The following PCDHGC3 variants were observed in gnomAD, a reference collection of about 807,000 sequenced individuals.
The protein encoded by PCDHGC3 is protocadherin gamma subfamily C, 3, also known as protocadherin gamma-C3.
A neutral mutation model predicts 59.2 loss-of-function variants in PCDHGC3; 26 were observed. The observed-to-expected ratio is 0.44, with a 90% CI of 0.32 to 0.61. The LOEUF (loss-of-function observed/expected upper bound fraction) is 0.61. Ranked by LOEUF, PCDHGC3 falls within the 20% of genes least tolerant of loss-of-function variation. The pLI, the probability that PCDHGC3 is intolerant of heterozygous loss-of-function variation, is 0.05. For missense variants in PCDHGC3, 1,080 were observed against 1,221.8 expected (o/e 0.88, Z 1.73); for synonymous variants, 487 against 519.7 (o/e 0.94, Z 0.86).
chr5:141,484,552 G>T (rs2099597743), intron 1 of PCDHGC3, among the ~76,000 whole-genome samples: 1 of 152,138 alleles, frequency 6.6e-6, no homozygotes, highest in African/African-American at 2.4e-5. Context: ...CTAATTAGCA[G>T]TTGCTCCAAT....
chr5:141,489,229 G>A lies in PCDHGC3; in HGVS notation c.2431-5578G>A, dbSNP rs1188849525. 5.9e-6 allele frequency: 9 copies of A among 1,522,134 alleles called. No homozygotes were observed. In the Admixed American group the frequency reaches 6.4e-5, roughly 11 times the overall value. 94.3% of individuals were successfully genotyped at this position (1,522,134 alleles called of 1,614,324 possible). On this transcript the variant is annotated intron_variant, in intron 1 of 3. Transcript: ENST00000308177. The surrounding 1 kb of genome is among the most constrained non-coding windows in gnomAD (Gnocchi z 4.5). The stretch of plus-strand genomic sequence containing the variant: ...AGCACAGACTTACTCTCCACAAAGG[G>A]ACTTCTGGGTCATGGGGCCCAAGAC...
In PCDHGC3 at chr5:141,486,959, G is replaced by A. The variant is rs1161675143; in HGVS notation, c.2431-7848G>A. The A allele has an allele frequency of 1.9e-6, 3 of 1,614,098 alleles. No individual in the cohort carries two copies. In the African/African-American group the frequency reaches 4.0e-5, roughly 22 times the overall value. On this transcript the variant is annotated intron_variant, in intron 1 of 3. Transcript: ENST00000308177. The surrounding 1 kb of genome is among the most constrained non-coding windows in gnomAD (Gnocchi z 5.0). ...CCACCTAATCACAAAGGTGACTGCTGTGGACTTGGATTCAGGTTACAATGC... is the reference window on the plus strand; with the variant it reads ...CCACCTAATCACAAAGGTGACTGCTATGGACTTGGATTCAGGTTACAATGC...
At chr5:141,501,837 G>C (rs2099811299) in intron 2 of PCDHGC3, among the ~76,000 whole-genome samples, 1 of 152,018 alleles carries the variant, frequency 6.6e-6, no homozygotes, top group Admixed American at 6.5e-5. Flanking sequence ...CCACCTGTTT[G>C]GCCCTCAACC....
intron 3 of PCDHGC3, among the ~76,000 whole-genome samples, chr5:141,506,682 C>A (rs1333272766): frequency 6.6e-6 from 1 of 152,192 alleles, no homozygotes; most frequent in East Asian, 1.9e-4. Context: ...ATATTATTAT[C>A]TTTGCTGACC....
intron 1 of PCDHGC3, among the ~76,000 whole-genome samples, chr5:141,488,613 A>C (rs1214413025): frequency 1.3e-5 from 2 of 152,158 alleles, no homozygotes; most frequent in Non-Finnish European, 2.9e-5. Flanking sequence ...GTTCTTACTA[A>C]TCTTTTCTCT....
rs2099883775 is a variant in PCDHGC3 at position 141,511,415 on chromosome 5, A to G, written c.*242A>G. On this transcript the variant is annotated 3_prime_UTR_variant, in exon 4 of 4. Transcript: ENST00000308177. ...CCCCATCCAATCAACTGCTGTACCC[A>G]TGGGGGTAGTGGGGTTACTGTAGAC... 1.2e-6 allele frequency: 1 copy of G among 868,992 alleles called. No individual in the cohort carries two copies. The highest frequency in any genetic ancestry group is 2.9e-5 in the East Asian group (1 of 34,592). The allele number at this position is 868,992 out of a possible 1,614,324, so 53.8% of individuals were successfully genotyped here.
Position 141,489,120 on chromosome 5 carries a change from G to T in PCDHGC3, c.2431-5687G>T. On this transcript the variant is annotated intron_variant, in intron 1 of 3. Coordinates refer to ENST00000308177, the MANE Select transcript of PCDHGC3 (RefSeq NM_002588.4). The surrounding 1 kb of genome is among the most constrained non-coding windows in gnomAD (Gnocchi z 4.5). Reference sequence around the variant, plus strand: ...AACTGCTGCAAGCAGGCAAACCTCCGAGCAGTTTTTAAGAGGCTGGAAGGA... The same window carrying T: ...AACTGCTGCAAGCAGGCAAACCTCCTAGCAGTTTTTAAGAGGCTGGAAGGA... 2.2e-6 allele frequency: 1 copy of T among 445,672 alleles called. No individual in the cohort carries two copies. The highest frequency in any genetic ancestry group is 3.8e-6 in the Non-Finnish European group (1 of 264,754). The allele number at this position is 445,672 out of a possible 1,614,324, so 27.6% of individuals were successfully genotyped here.
chr5:141,501,508 C>A (rs1378333182), intron 2 of PCDHGC3, among the ~76,000 whole-genome samples: 1 of 151,960 alleles, frequency 6.6e-6, no homozygotes, highest in Non-Finnish European at 1.5e-5. Flanking sequence ...GGCTCCAAGG[C>A]CTCCAAGCTG....
chr5:141,497,100 T>A (rs886445893), intron 2 of PCDHGC3, among the ~76,000 whole-genome samples: 2 of 151,774 alleles, frequency 1.3e-5, no homozygotes, highest in Non-Finnish European at 2.9e-5. Context: ...GAGGCAGAAC[T>A]GCTTGAACCC....
chr5:141,477,861 G>T lies in PCDHGC3; in HGVS notation c.1745G>T (p.Arg582Leu). 6.2e-7 allele frequency: 1 copy of T among 1,612,714 alleles called. No homozygotes were observed. Among genetic ancestry groups the T allele is most frequent in the Non-Finnish European group, 8.5e-7 (1 of 1,179,590 alleles). ...PGGSSVEMLPRGTSAGHLVSR... is the reference protein window; with the variant it reads ...PGGSSVEMLPLGTSAGHLVSR... ...GGGAGCTCGGTGGAGATGCTGCCTC[G>T]AGGTACCTCAGCTGGCCACCTAGTG... Residue 582 changes from arginine (R) to leucine (L), a missense_variant, in exon 1 of 4, where the codon CGA (arginine) becomes CTA (leucine). Coordinates refer to ENST00000308177, the MANE Select transcript of PCDHGC3 (RefSeq NM_002588.4). This position sits in a 1 kb window ranked among gnomAD's most constrained non-coding sequence, Gnocchi z 4.9.
chr5:141,476,040 G>T lies in PCDHGC3; in HGVS notation c.-77G>T. On this transcript the variant is annotated 5_prime_UTR_variant, in exon 1 of 4. Coordinates refer to ENST00000308177, the MANE Select transcript of PCDHGC3 (RefSeq NM_002588.4). This position sits in a 1 kb window ranked among gnomAD's most constrained non-coding sequence, Gnocchi z 7.6. ...CGGACTCGGCGCCCAGCGCCCAAGC[G>T]CTAACCCGCTGAAAGTTTCTCAGCG... is the stretch of plus-strand genomic sequence containing the variant. 1 of 1,488,704 alleles carries T rather than the reference G, an allele frequency of 6.7e-7. No homozygotes were observed. 92.2% of individuals were successfully genotyped at this position (1,488,704 alleles called of 1,614,324 possible).
In PCDHGC3 at chr5:141,490,028, G is replaced by A. The variant is rs752883792; in HGVS notation, c.2431-4779G>A. ...GCACCCATTGGTACTCTGCTGCTCC[G>A]CCTCAATGCCACTGATCCAGACGAG... On this transcript the variant is annotated intron_variant, in intron 1 of 3. Coordinates refer to ENST00000308177, the MANE Select transcript of PCDHGC3 (RefSeq NM_002588.4). The surrounding 1 kb of genome is among the most constrained non-coding windows in gnomAD (Gnocchi z 5.4). 20 of 1,614,070 alleles carry A rather than the reference G, an allele frequency of 1.2e-5. 1 individual carries two copies. Among genetic ancestry groups the A allele is most frequent in the South Asian group, 3.3e-5 (3 of 91,090 alleles).
At position 141,485,221 on chromosome 5, in the gene PCDHGC3, C is replaced by A; in HGVS notation, c.2430+6675C>A. 4 of 1,614,118 alleles carry A rather than the reference C, an allele frequency of 2.5e-6. No individual in the cohort carries two copies. The highest frequency in any genetic ancestry group is 2.2e-5 in the East Asian group (1 of 44,868). ...GGACAGAAATCTGGCGGTGGGCTAC[C>A]CTTTTGTTCCTCTTTTACCACCTGG... On this transcript the variant is annotated intron_variant, in intron 1 of 3. Coordinates refer to ENST00000308177, the MANE Select transcript of PCDHGC3 (RefSeq NM_002588.4). The surrounding 1 kb of genome is among the most constrained non-coding windows in gnomAD (Gnocchi z 5.7).
chr5:141,492,723 C>T (rs896613323), intron 1 of PCDHGC3, among the ~76,000 whole-genome samples: 2 of 152,268 alleles, frequency 1.3e-5, no homozygotes, highest in African/African-American at 4.8e-5. Flanking sequence ...GGCGGACAGG[C>T]AGAGCTGCCC....
intron 1 of PCDHGC3, among the ~76,000 whole-genome samples, chr5:141,482,104 AAT>A (rs1452930297): frequency 2.7e-5 from 4 of 150,286 alleles, no homozygotes; most frequent in Non-Finnish European, 5.9e-5. Context: ...AAAAAAAAAA[AAT>A]ATCTAGAGAT....
At position 141,478,150 on chromosome 5, in the gene PCDHGC3, C is replaced by T. The variant is rs569939900; in HGVS notation, c.2034C>T (p.Pro678=). The T allele has an allele frequency of 6.2e-7, 1 of 1,614,086 alleles. No individual in the cohort carries two copies. The highest frequency in any genetic ancestry group is 1.3e-5 in the African/African-American group (1 of 75,060). Reference sequence around the variant, plus strand: ...CTCCTGAAGCCCGAGCCGAGTTCCCCTCTGGCTCTGCCCCCCGGGAGCAGA... The same window carrying T: ...CTCCTGAAGCCCGAGCCGAGTTCCCTTCTGGCTCTGCCCCCCGGGAGCAGA... ...EDSPEARAEF[P]SGSAPREQKK... The change falls in exon 1 of 4, where the codon CCC becomes CCT. Residue 678 remains proline (P), a synonymous_variant. Coordinates refer to ENST00000308177, the MANE Select transcript of PCDHGC3 (RefSeq NM_002588.4).
chr5:141,481,781 G>A (rs957054361), intron 1 of PCDHGC3, among the ~76,000 whole-genome samples: 3 of 151,998 alleles, frequency 2.0e-5, no homozygotes, highest in Admixed American at 6.6e-5. Context: ...GTGAAACCCC[G>A]TCTCTACTAA....
chr5:141,507,196 CCAGAT>C (rs2099859095), intron 3 of PCDHGC3: 1 of 152,374 alleles, frequency 6.6e-6, no homozygotes, highest in Non-Finnish European at 1.5e-5. Context: ...CTTTATTCTT[CCAGAT>C]CAGGGTTGCC....
Position 141,491,340 on chromosome 5 carries a change from C to T in PCDHGC3, c.2431-3467C>T, listed in dbSNP as rs772328241. The T allele has an allele frequency of 3.7e-6, 6 of 1,614,144 alleles. No individual in the cohort carries two copies. The Admixed American group carries it at 6.7e-5, about 18-fold the overall frequency. ...TTTACCTCATTGTGGCTCTAGCGAC[C>T]GTCAGTCTCTTATCCCTAGTCACCT... On this transcript the variant is annotated intron_variant, in intron 1 of 3. Transcript: ENST00000308177. This position sits in a 1 kb window ranked among gnomAD's most constrained non-coding sequence, Gnocchi z 6.9.
Sources: allele counts gnomAD v4.1 joint callset (sites outside exome capture counted in the v4.1 genomes callset), GRCh38; gene constraint gnomAD v4.1.1; non-coding constraint Gnocchi (gnomAD v3.1); transcripts MANE v1.5; gene names NCBI Gene and HGNC (gene_info 2026-07-23, HGNC 2026-07-21).